Variants in SPATA7 observed in about 807,000 individuals in gnomAD.
SPATA7 encodes spermatogenesis-associated protein 7.
A neutral mutation model predicts 51.8 loss-of-function variants in SPATA7; 43 were observed. The observed-to-expected ratio is 0.83, with a 90% CI of 0.65 to 1.07. The LOEUF is 1.07. Ranked by LOEUF, SPATA7 falls within the 50% of genes least tolerant of loss-of-function variation. The pLI is 0.00. For missense variants in SPATA7, 683 were observed against 701.3 expected (o/e 0.97, Z 0.30); for synonymous variants, 230 against 252.8 (o/e 0.91, Z 0.86).
At chr14:88,430,631 A>T (rs2076914401) in intron 8 of SPATA7, among the ~76,000 whole-genome samples, 1 of 152,160 alleles carries the variant, frequency 6.6e-6, no homozygotes, top group South Asian at 2.1e-4. Flanking sequence ...GTCATTGTTT[A>T]TACTAGAGAA....
At chr14:88,420,629 G>A (rs553866389) in intron 5 of SPATA7, among the ~76,000 whole-genome samples, 1 of 152,030 alleles carries the variant, frequency 6.6e-6, no homozygotes, top group Admixed American at 6.5e-5. Flanking sequence ...AGTATAATAA[G>A]CCCACATGTT....
At chr14:88,387,261 G>T (rs1369126668) in intron 1 of SPATA7, among the ~76,000 whole-genome samples, 1 of 152,132 alleles carries the variant, frequency 6.6e-6, no homozygotes, top group Non-Finnish European at 1.5e-5. Flanking sequence ...TAAGTTGTCA[G>T]TATTTGTTTA....
At chr14:88,461,800 C>G (rs150715263) in intron 4 of SPATA7, among the ~76,000 whole-genome samples, 2 of 152,174 alleles carry the variant, frequency 1.3e-5, no homozygotes, top group African/African-American at 4.8e-5. Flanking sequence ...CTGCGTCACT[C>G]GCGCTGGGAG....
At chr14:88,423,286 C>T (rs945714494) in intron 5 of SPATA7, among the ~76,000 whole-genome samples, 1 of 150,724 alleles carries the variant, frequency 6.6e-6, no homozygotes, top group African/African-American at 2.5e-5. Flanking sequence ...ACCTGTGATC[C>T]CAACACTTTG....
chr14:88,393,876 T>TA lies in SPATA7; in HGVS notation c.190+392dup, dbSNP rs768745268. ...CTTTATTGAGATAAAACTTACATTA[T>TA]AAAATGCATTGATTATAATGTGTAC... On this transcript the variant is annotated intron_variant, in intron 3 of 11. Transcript: ENST00000393545. Among the ~76,000 whole-genome samples, 7 of 152,274 alleles carry TA rather than the reference T, an allele frequency of 4.6e-5. No individual in the cohort carries two copies. The South Asian group carries it at 1.0e-3, about 23-fold the overall frequency.
intron 3 of SPATA7, among the ~76,000 whole-genome samples, chr14:88,447,709 G>T (rs1310963507): frequency 6.6e-6 from 1 of 151,916 alleles, no homozygotes; most frequent in Non-Finnish European, 1.5e-5. Flanking sequence ...GCATTTGCTT[G>T]TCTGTAAAGG....
At chr14:88,449,341 T>C (rs947389780) in intron 3 of SPATA7, among the ~76,000 whole-genome samples, 1 of 152,220 alleles carries the variant, frequency 6.6e-6, no homozygotes, top group Non-Finnish European at 1.5e-5. Flanking sequence ...CCAGTGATCA[T>C]TCAGGAGCAG....
chr14:88,449,543 A>G (rs2077236758), intron 3 of SPATA7, among the ~76,000 whole-genome samples: 1 of 152,162 alleles, frequency 6.6e-6, no homozygotes, highest in Non-Finnish European at 1.5e-5. Context: ...TAATGAATAT[A>G]TACTCTGCAG....
At chr14:88,450,714 G>A (rs74945818) in intron 3 of SPATA7, among the ~76,000 whole-genome samples, 5,783 of 152,150 alleles carry the variant, frequency 0.038, 359 homozygotes, top group African/African-American at 0.13. Context: ...TGCTTTTGCC[G>A]CATAGCTCTT....
intron 4 of SPATA7, among the ~76,000 whole-genome samples, chr14:88,461,507 C>A (rs2077317592): frequency 6.6e-6 from 1 of 152,172 alleles, no homozygotes; most frequent in Middle Eastern, 3.2e-3. Context: ...ACCCTCCGAG[C>A]CAGGTGTGGG....
rs547142371 is a variant in SPATA7, at chr14:88,431,244, C to A, written c.1082+19C>A. On this transcript the variant is annotated intron_variant, in intron 9 of 11. Transcript: ENST00000393545. ...ACTCTGAGTAAGATCTTTTTTAAGT[C>A]TTCGTTTTGCATAGTGGAATCAAGG... The A allele has an allele frequency of 1.2e-6, 2 of 1,605,998 alleles. No individual in the cohort carries two copies. Among genetic ancestry groups the A allele is most frequent in the East Asian group, 2.2e-5 (1 of 44,756 alleles).
At chr14:88,395,625 G>GTT (rs139126420) in intron 3 of SPATA7, among the ~76,000 whole-genome samples, 1 of 151,934 alleles carries the variant, frequency 6.6e-6, no homozygotes, top group African/African-American at 2.4e-5. Context: ...TGTTTGTTTT[G>GTT]TTTTTTTGCC....
intron 5 of SPATA7, among the ~76,000 whole-genome samples, chr14:88,417,624 T>G (rs2076521066): frequency 6.6e-6 from 1 of 152,230 alleles, no homozygotes; most frequent in South Asian, 2.1e-4. Context: ...AATCTGTTAA[T>G]GTAATGAATT....
At chr14:88,442,627 C>G (rs1397670057), downstream of SPATA7, among the ~76,000 whole-genome samples, 1 of 152,130 alleles carries the variant, frequency 6.6e-6, no homozygotes, top group Non-Finnish European at 1.5e-5. Flanking sequence ...CCCTGCAGCC[C>G]TGGTATGAAA....
At chr14:88,431,897 G>A (rs947662933) in intron 9 of SPATA7, among the ~76,000 whole-genome samples, 7 of 151,990 alleles carry the variant, frequency 4.6e-5, no homozygotes, top group African/African-American at 7.3e-5. Flanking sequence ...GATATCAATC[G>A]TATAATACAT....
At chr14:88,417,571 G>A (rs1217549802) in intron 5 of SPATA7, among the ~76,000 whole-genome samples, 1 of 152,070 alleles carries the variant, frequency 6.6e-6, no homozygotes, top group Non-Finnish European at 1.5e-5. Context: ...CTCCCAAAAA[G>A]TGCTAGGATT....
chr14:88,469,183 A>G lies in SPATA7; in HGVS notation c.255-664A>G. The G allele has an allele frequency of 7.8e-7, 1 of 1,284,086 alleles. No individual in the cohort carries two copies. Among genetic ancestry groups the G allele is most frequent in the South Asian group, 1.5e-5 (1 of 66,104 alleles). The allele number at this position is 1,284,086 out of a possible 1,614,324, so 79.5% of individuals were successfully genotyped here. On this transcript the variant is annotated intron_variant, in intron 4 of 4. Transcript: ENST00000556406. The surrounding 1 kb of genome is among the most constrained non-coding windows in gnomAD (Gnocchi z 4.3). ...CTGATTAAGAGGACTGCAGATAAAG[A>G]GCACTGGGTGCCAGTGAACCAAACC...
At chr14:88,414,548 A>G (rs74409517) in intron 4 of SPATA7, 2,910 of 256,288 alleles carry the variant, frequency 0.011, 37 homozygotes, top group Non-Finnish European at 0.017. Context: ...TGGAATCTCA[A>G]TTTCAATTAT....
At chr14:88,448,610 G>A (rs2077230390) in intron 3 of SPATA7, among the ~76,000 whole-genome samples, 1 of 152,156 alleles carries the variant, frequency 6.6e-6, no homozygotes, top group African/African-American at 2.4e-5. Flanking sequence ...CCCCATCTTT[G>A]TGGTTTTATC....
Sources: gnomAD v4.1 joint callset for allele counts (sites outside exome capture counted in the v4.1 genomes callset) on GRCh38, gnomAD v4.1.1 for gene constraint, Gnocchi (gnomAD v3.1) non-coding constraint, MANE v1.5 for transcripts, NCBI Gene and HGNC (gene_info 2026-07-23, HGNC 2026-07-21) for gene names.